The following CEP112 variants were observed in gnomAD, a reference collection of about 807,000 sequenced individuals.
CEP112 encodes centrosomal protein 112.
In CEP112, 127 loss-of-function variants were observed where a neutral mutation model predicts 153.0. That is an observed-to-expected ratio of 0.83 (90% CI 0.72 to 0.96). The LOEUF (loss-of-function observed/expected upper bound fraction) is 0.96. Ranked by LOEUF, CEP112 falls within the 40% of genes least tolerant of loss-of-function variation. The pLI is 0.00. For synonymous variants in CEP112, 358 were observed against 374.4 expected, an observed-to-expected ratio of 0.96 and a Z score of 0.51; for missense variants, 1,089 against 1,101.2, an observed-to-expected ratio of 0.99 and a Z score of 0.16.
chr17:66,043,537 A>C (rs1042756422), intron 12 of CEP112, among the ~76,000 whole-genome samples: 1 of 152,208 alleles, frequency 6.6e-6, no homozygotes, highest in Non-Finnish European at 1.5e-5. Context: ...TCCATGGTAC[A>C]AAAGATGTTA....
intron 20 of CEP112, among the ~76,000 whole-genome samples, chr17:65,853,403 C>T (rs533880688): frequency 6.6e-6 from 1 of 152,208 alleles, no homozygotes; most frequent in South Asian, 2.1e-4. Flanking sequence ...CTTAATCCAG[C>T]ATCACCTAAT....
In CEP112 at chr17:65,769,276, C is replaced by T. The variant is rs367714245; in HGVS notation, c.2395-18552G>A. On this transcript the variant is annotated intron_variant, in intron 21 of 26. Transcript: ENST00000535342. ...TTAATAAAAGAAATTGAAGAGGACACAAAGAAATAAGATATTCCATGCTCT... is the reference window on the plus strand; with the variant it reads ...TTAATAAAAGAAATTGAAGAGGACATAAAGAAATAAGATATTCCATGCTCT... 7.9e-4 allele frequency among the ~76,000 whole-genome samples: 120 copies of T among 151,910 alleles called. 2 individuals carry two copies. The highest frequency in any genetic ancestry group is 3.4e-3 in the Middle Eastern group (1 of 294).
intron 6 of CEP112, among the ~76,000 whole-genome samples, chr17:66,121,407 G>T (rs568886501): frequency 6.6e-6 from 1 of 152,274 alleles, no homozygotes; most frequent in African/African-American, 2.4e-5. Context: ...CATCAAACTA[G>T]AAATTTTGCA....
rs1266422764 is a variant in CEP112 at position 65,851,788 on chromosome 17, T to C, written c.2394+16A>G. ...GGATTTCAACTGCCTATTAAAAAAC[T>C]AGTTAAATATCTTACCTTTTCCAGT... On this transcript the variant is annotated intron_variant, in intron 21 of 26. Transcript: ENST00000535342. 1 of 1,579,536 alleles carries C rather than the reference T, an allele frequency of 6.3e-7. No homozygotes were observed. Among genetic ancestry groups the C allele is most frequent in the Non-Finnish European group, 8.7e-7 (1 of 1,155,026 alleles).
At chr17:66,113,343 T>TA (rs1261552869) in intron 6 of CEP112, among the ~76,000 whole-genome samples, 6 of 152,056 alleles carry the variant, frequency 3.9e-5, no homozygotes, top group Non-Finnish European at 8.8e-5. Flanking sequence ...TCTTCAAAGA[T>TA]ACATGCAATT....
At chr17:66,166,687 C>T in intron 4 of CEP112, among the ~76,000 whole-genome samples, 1 of 152,008 alleles carries the variant, frequency 6.6e-6, no homozygotes, top group Non-Finnish European at 1.5e-5. Context: ...CACCTGAGGT[C>T]AGGAGTTCGA....
At chr17:65,826,447 T>C in intron 21 of CEP112, 1 of 1,526,142 alleles carries the variant, frequency 6.6e-7, no homozygotes, top group Non-Finnish European at 8.7e-7. Flanking sequence ...AGGGTTAGAG[T>C]GTCTGAGATT....
intron 18 of CEP112, among the ~76,000 whole-genome samples, chr17:65,951,749 C>CCACTCCG: frequency 9.4e-6 from 1 of 106,240 alleles, no homozygotes; most frequent in African/African-American, 3.2e-5. Flanking sequence ...CCCCGCCCCC[C>CCACTCCG]CCTTTCTTCC....
intron 21 of CEP112, among the ~76,000 whole-genome samples, chr17:65,841,271 G>A (rs938223727): frequency 1.8e-4 from 28 of 151,950 alleles, no homozygotes; most frequent in African/African-American, 6.3e-4. Context: ...GCAAAGGGGT[G>A]GAGAAAGAAA....
At chr17:65,836,392 A>G (rs1360234413) in intron 21 of CEP112, among the ~76,000 whole-genome samples, 1 of 152,226 alleles carries the variant, frequency 6.6e-6, no homozygotes, top group East Asian at 1.9e-4. Context: ...GCTGTCTTCA[A>G]GAAACTCACT....
At chr17:65,775,116 G>A (rs946233567) in intron 21 of CEP112, among the ~76,000 whole-genome samples, 2 of 152,100 alleles carry the variant, frequency 1.3e-5, no homozygotes, top group African/African-American at 4.8e-5. Flanking sequence ...TTGAAAATCA[G>A]CATTTGACCA....
At chr17:65,760,600 C>A (rs1317778955) in intron 21 of CEP112, among the ~76,000 whole-genome samples, 1 of 152,080 alleles carries the variant, frequency 6.6e-6, no homozygotes, top group African/African-American at 2.4e-5. Context: ...ATACATTCCA[C>A]TTGGCTCTGG....
intron 12 of CEP112, among the ~76,000 whole-genome samples, chr17:66,030,472 G>A (rs8065533): frequency 0.52 from 78,280 of 151,990 alleles, 21,088 homozygotes; most frequent in African/African-American, 0.59. Context: ...GAAATCCATA[G>A]CCCCAAAATT....
At chr17:66,141,280 C>T (rs1357409058) in intron 4 of CEP112, among the ~76,000 whole-genome samples, 1 of 151,690 alleles carries the variant, frequency 6.6e-6, no homozygotes, top group Non-Finnish European at 1.5e-5. Flanking sequence ...TCATGTTTTT[C>T]AATTGTAAGC....
chr17:66,129,261 G>A (rs1027542213), intron 6 of CEP112, among the ~76,000 whole-genome samples: 4 of 151,948 alleles, frequency 2.6e-5, no homozygotes, highest in South Asian at 4.1e-4. Context: ...ATCTTTCTTC[G>A]TGCCTATTTC....
intron 19 of CEP112, among the ~76,000 whole-genome samples, chr17:65,909,053 G>T (rs1254752335): frequency 6.6e-6 from 1 of 152,126 alleles, no homozygotes; most frequent in African/African-American, 2.4e-5. Flanking sequence ...ATCATTTAAA[G>T]AAATAGAAAA....
chr17:65,884,735 G>C (rs79525520), intron 20 of CEP112, among the ~76,000 whole-genome samples: 1 of 33,900 alleles, frequency 2.9e-5, no homozygotes, highest in Non-Finnish European at 6.3e-5. Flanking sequence ...TTTTTTTTTT[G>C]AGACGGAGTT....
At chr17:66,188,774 C>T (rs1468066742) in intron 1 of CEP112, among the ~76,000 whole-genome samples, 1 of 151,966 alleles carries the variant, frequency 6.6e-6, no homozygotes. Flanking sequence ...CAGTTATGCA[C>T]GTGGTAACAG....
intron 25 of CEP112, among the ~76,000 whole-genome samples, chr17:65,637,945 A>G (rs1008175138): frequency 1.3e-5 from 2 of 152,240 alleles, no homozygotes; most frequent in African/African-American, 4.8e-5. Flanking sequence ...TTCATAGCGG[A>G]AAGAGCCTGA....
Sources: allele counts gnomAD v4.1 joint callset (sites outside exome capture counted in the v4.1 genomes callset), GRCh38; gene constraint gnomAD v4.1.1; transcripts MANE v1.5; gene names NCBI Gene and HGNC (gene_info 2026-07-23, HGNC 2026-07-21).